ABCA3: variants seen among roughly 807,000 people sequenced by gnomAD.
ABCA3 encodes ATP binding cassette subfamily A member 3, also known as phospholipid-transporting ATPase ABCA3.
In ABCA3, 88 loss-of-function variants were observed where a neutral mutation model predicts 172.8. That is an observed-to-expected ratio of 0.51 (90% CI 0.43 to 0.61). The LOEUF is 0.61. Among genes scored for constraint, ABCA3 ranks in the 20% least tolerant of loss-of-function variants. The pLI is 0.00. For missense variants in ABCA3, 2,164 were observed against 2,301.0 expected (o/e 0.94, Z 1.22); for synonymous variants, 1,066 against 983.8 (o/e 1.08, Z -1.56).
At chr16:2,332,435 C>G in intron 1 of ABCA3, 1 of 1,191,618 alleles carries the variant, frequency 8.4e-7, no homozygotes, top group Non-Finnish European at 1.2e-6. Flanking sequence ...TCTTTGATCT[C>G]CTTCTTGGAA....
chr16:2,316,317 AAAAAAAG>A (rs1157821828), intron 10 of ABCA3, among the ~76,000 whole-genome samples: 11 of 145,848 alleles, frequency 7.5e-5, no homozygotes, highest in South Asian at 2.2e-4. Flanking sequence ...TCAAAAAAAA[AAAAAAAG>A]AAAAAAGAAA....
At chr16:2,291,307 C>T (rs2141701076) in intron 19 of ABCA3, among the ~76,000 whole-genome samples, 1 of 152,108 alleles carries the variant, frequency 6.6e-6, no homozygotes, top group Middle Eastern at 3.4e-3. Flanking sequence ...GCCTGGGAGA[C>T]AGAGTGAGAC....
intron 7 of ABCA3, among the ~76,000 whole-genome samples, chr16:2,320,784 G>A (rs1317362858): frequency 6.6e-6 from 1 of 152,134 alleles, no homozygotes; most frequent in Non-Finnish European, 1.5e-5. Flanking sequence ...ACCAGTCCCT[G>A]TGCCATGCCA....
rs1010773791 is a variant in ABCA3 at position 2,287,674 on chromosome 16, A to T, written c.3004+352T>A. Among the ~76,000 whole-genome samples, 5 of 152,350 alleles carry T rather than the reference A, an allele frequency of 3.3e-5. No homozygotes were observed. Among genetic ancestry groups the T allele is most frequent in the Admixed American group, 2.0e-4 (3 of 15,310 alleles). ...CACAAAGCAAAGGTAACTTGAAGTCACTATGCTTCTGCATTTTGCCCATGA... is the reference window on the plus strand; with the variant it reads ...CACAAAGCAAAGGTAACTTGAAGTCTCTATGCTTCTGCATTTTGCCCATGA... On this transcript the variant is annotated intron_variant, in intron 21 of 32. Transcript: ENST00000301732. The surrounding 1 kb of genome is among the most constrained non-coding windows in gnomAD (Gnocchi z 4.1).
In ABCA3 at chr16:2,276,342, T is replaced by A; in HGVS notation, c.*332A>T. 1 of 497,518 alleles carries A rather than the reference T, an allele frequency of 2.0e-6. No individual in the cohort carries two copies. The highest frequency in any genetic ancestry group is 3.9e-6 in the Non-Finnish European group (1 of 254,358). The allele number at this position is 497,518 out of a possible 1,614,324, so 30.8% of individuals were successfully genotyped here. Reference sequence around the variant, plus strand: ...CTGGGTCCTCTCTCCAGGGAGTGCCTGGAGAAATTCAACCCCCAGCTCAGC... The same window carrying A: ...CTGGGTCCTCTCTCCAGGGAGTGCCAGGAGAAATTCAACCCCCAGCTCAGC... On this transcript the variant is annotated 3_prime_UTR_variant, in exon 33 of 33. Coordinates refer to ENST00000301732, the MANE Select transcript of ABCA3 (RefSeq NM_001089.3).
intron 7 of ABCA3, 47 bp downstream of exon 7, chr16:2,323,476 A>C (rs747917172): frequency 1.2e-6 from 2 of 1,611,162 alleles, no homozygotes; most frequent in South Asian, 2.2e-5. Context: ...GACTGTCACT[A>C]GTCAACAGCC....
Position 2,287,733 on chromosome 16 carries a change from C to T in ABCA3, c.3004+293G>A, listed in dbSNP as rs546082773. 2.0e-5 allele frequency among the ~76,000 whole-genome samples: 3 copies of T among 152,360 alleles called. No homozygotes were observed. The highest frequency in any genetic ancestry group is 3.9e-4 in the East Asian group (2 of 5,186). ...GAAAGACACAGCTTCAGTAAAAAGACGCCTGACAAAGCCTGGCCCCAGGAT... is the reference window on the plus strand; with the variant it reads ...GAAAGACACAGCTTCAGTAAAAAGATGCCTGACAAAGCCTGGCCCCAGGAT... On this transcript the variant is annotated intron_variant, in intron 21 of 32. Coordinates refer to ENST00000301732, the MANE Select transcript of ABCA3 (RefSeq NM_001089.3). This position sits in a 1 kb window ranked among gnomAD's most constrained non-coding sequence, Gnocchi z 4.1.
At chr16:2,331,219 T>C (rs775884462) in intron 1 of ABCA3, among the ~76,000 whole-genome samples, 30 of 152,054 alleles carry the variant, frequency 2.0e-4, no homozygotes, top group Admixed American at 1.2e-3. Flanking sequence ...TTTCTTTTCT[T>C]TTCTTTTTTT....
In ABCA3 at chr16:2,287,015, G is replaced by A. The variant is rs1163319574; in HGVS notation, c.3005-48C>T. On this transcript the variant is annotated intron_variant, in intron 21 of 32. Coordinates refer to ENST00000301732, the MANE Select transcript of ABCA3 (RefSeq NM_001089.3). This position sits in a 1 kb window ranked among gnomAD's most constrained non-coding sequence, Gnocchi z 4.1. ...GGGGACACAGGAAGAGGTGACACCT[G>A]GGCACCCCCTGCCACCTGAGCATGG... 4.4e-6 allele frequency: 7 copies of A among 1,591,174 alleles called. No homozygotes were observed. The highest frequency in any genetic ancestry group is 2.3e-5 in the South Asian group (2 of 88,690).
chr16:2,290,579 A>C (rs961630319), intron 19 of ABCA3, among the ~76,000 whole-genome samples: 2 of 152,214 alleles, frequency 1.3e-5, no homozygotes, highest in African/African-American at 4.8e-5. Flanking sequence ...GGCTGACTCC[A>C]GGCCAGCCCG....
At chr16:2,329,135 T>A (rs1427162608) in intron 2 of ABCA3, among the ~76,000 whole-genome samples, 1 of 152,144 alleles carries the variant, frequency 6.6e-6, no homozygotes. Flanking sequence ...TTTTAATGAA[T>A]CATATTGTTA....
intron 11 of ABCA3, among the ~76,000 whole-genome samples, 175 bp from the exon 12 acceptor site, chr16:2,304,325 A>T (rs1383410509): frequency 6.6e-6 from 1 of 152,112 alleles, no homozygotes; most frequent in African/African-American, 2.4e-5. Context: ...CAAGCCTGGA[A>T]GATAAACTCA....
intron 10 of ABCA3, among the ~76,000 whole-genome samples, chr16:2,312,795 G>C (rs538945632): frequency 6.6e-6 from 1 of 151,754 alleles, no homozygotes; most frequent in East Asian, 1.9e-4. Context: ...GCCTCCCAAA[G>C]TGCTAGGATT....
chr16:2,317,796 C>A, intron 8 of ABCA3, 32 bp from the exon 9 acceptor site: 2 of 1,592,922 alleles, frequency 1.3e-6, no homozygotes, highest in Non-Finnish European at 1.7e-6. Flanking sequence ...CTGCTGGGGG[C>A]CCGTCACTGC....
rs775040702 is a variant in ABCA3, at chr16:2,288,122, A to G, written c.2908T>C (p.Phe970Leu). 7 of 1,613,286 alleles carry G rather than the reference A, an allele frequency of 4.3e-6. No individual in the cohort carries two copies. Among genetic ancestry groups the G allele is most frequent in the Middle Eastern group, 3.3e-4 (2 of 6,082 alleles). Residue 970 changes from phenylalanine to leucine, a missense_variant, in exon 21 of 33, where the codon TTC becomes CTC. By Grantham distance (22) the Phe-to-Leu change is conservative (BLOSUM62 0). This residue lies in a region of ABCA3 where 1,343 missense variants were observed against 1,369.6 expected (regional missense o/e 0.98). Transcript: ENST00000301732. ...AGCTGGGAGGTCCCGGGAACTGAGAAGGGCACGACGGTTCTGCCGTACTCG... is the reference window on the plus strand; with the variant it reads ...AGCTGGGAGGTCCCGGGAACTGAGAGGGGCACGACGGTTCTGCCGTACTCG... ...LGEYGRTVVPFSVPGTSQLGQ... is the reference protein window; with the variant it reads ...LGEYGRTVVPLSVPGTSQLGQ...
chr16:2,314,052 G>A (rs950352371), intron 10 of ABCA3, among the ~76,000 whole-genome samples: 1 of 152,132 alleles, frequency 6.6e-6, no homozygotes, highest in Admixed American at 6.6e-5. Flanking sequence ...AATGCGCACC[G>A]GTGCAGACAC....
intron 10 of ABCA3, among the ~76,000 whole-genome samples, chr16:2,315,627 CA>C (rs1177253483): frequency 2.0e-5 from 3 of 152,010 alleles, no homozygotes; most frequent in Non-Finnish European, 1.5e-5. Flanking sequence ...GATATGTTGG[CA>C]AAGCACAGGA....
chr16:2,276,389 T>C lies in ABCA3; in HGVS notation c.*285A>G. ...CAGCTGCAGCCCTTCCTGGGTCAGC[T>C]CTCCACCCAGAGACCCCGGAGCTTG... On this transcript the variant is annotated 3_prime_UTR_variant, in exon 33 of 33. Coordinates refer to ENST00000301732, the MANE Select transcript of ABCA3 (RefSeq NM_001089.3). The C allele has an allele frequency of 1.8e-6, 1 of 569,106 alleles. No individual in the cohort carries two copies. Among genetic ancestry groups the C allele is most frequent in the Non-Finnish European group, 3.3e-6 (1 of 302,802 alleles). 35.3% of individuals were successfully genotyped at this position (569,106 alleles called of 1,614,324 possible).
chr16:2,321,489 T>C (rs1196636575), intron 7 of ABCA3, among the ~76,000 whole-genome samples: 2 of 152,208 alleles, frequency 1.3e-5, no homozygotes, highest in Non-Finnish European at 2.9e-5. Context: ...GTGACTTCCA[T>C]GGCAAACTTC....
Sources: gnomAD v4.1 joint callset for allele counts (sites outside exome capture counted in the v4.1 genomes callset) on GRCh38, gnomAD v4.1.1 for gene constraint, gnomAD v4.1.1 regional missense constraint, Gnocchi (gnomAD v3.1) non-coding constraint, MANE v1.5 for transcripts, NCBI Gene and HGNC (gene_info 2026-07-23, HGNC 2026-07-21) for gene names.